GRIA3: variants seen among roughly 807,000 people sequenced by gnomAD.
GRIA3 encodes the protein glutamate ionotropic receptor AMPA type subunit 3, also known as glutamate receptor 3.
GRIA3 carries 3 observed loss-of-function variants against 63.0 expected under a neutral mutation model. That is an observed-to-expected ratio of 0.05 (90% CI 0.02 to 0.12). The LOEUF (loss-of-function observed/expected upper bound fraction) is 0.12. Among genes scored for constraint, GRIA3 ranks in the 10% least tolerant of loss-of-function variants. The pLI is 1.00. For synonymous variants in GRIA3, 274 were observed against 257.9 expected, an observed-to-expected ratio of 1.06 and a Z score of -0.60; for missense variants, 347 against 700.9, an observed-to-expected ratio of 0.50 and a Z score of 5.70.
At chrX:123,275,491 T>C (rs145457956) in intron 3 of GRIA3, among the ~76,000 whole-genome samples, 87 of 112,373 alleles carry the variant, frequency 7.7e-4, no homozygotes, top group Middle Eastern at 4.6e-3. Flanking sequence ...TCCCACCACA[T>C]TTTCCAGTAT....
Position 123,184,651 on chromosome X carries a change from G to T in GRIA3, c.109+7G>T. On this transcript the variant is annotated splice_region_variant and intron_variant, in intron 1 of 15. Transcript: ENST00000620443. ...CCCAACACCATCAGCATAGGTAAGC[G>T]CAAGCGAGCCAGCCGTCGGTCCAGG... is the stretch of plus-strand genomic sequence containing the variant. The T allele has an allele frequency of 8.7e-7, 1 of 1,145,169 alleles. No individual in the cohort carries two copies. The highest frequency in any genetic ancestry group is 1.2e-6 in the Non-Finnish European group (1 of 835,541). The allele number at this position is 1,145,169 out of a possible 1,213,427, so 94.4% of individuals were successfully genotyped here. A position where few individuals can be genotyped will look rare whatever the true frequency, so the allele number is the denominator to read the frequency against.
At chrX:123,451,987 T>C (rs2045734804) in intron 12 of GRIA3, among the ~76,000 whole-genome samples, 1 of 111,692 alleles carries the variant, frequency 9.0e-6, no homozygotes, top group Admixed American at 9.5e-5. Flanking sequence ...AAAATGGAGA[T>C]AATATTGGTT....
intron 5 of GRIA3, among the ~76,000 whole-genome samples, chrX:123,369,388 G>T (rs1024945325): frequency 8.9e-6 from 1 of 112,056 alleles, no homozygotes; most frequent in Non-Finnish European, 1.9e-5. Context: ...GAAGGCACTA[G>T]AACTTTTCTC....
intron 10 of GRIA3, among the ~76,000 whole-genome samples, chrX:123,408,039 G>A (rs1222075343): frequency 1.8e-5 from 2 of 110,910 alleles, no homozygotes; most frequent in Non-Finnish European, 3.8e-5. Context: ...TTGGCTCACT[G>A]CAACCTCTGC....
chrX:123,455,119 G>C (rs1569439379), intron 12 of GRIA3, among the ~76,000 whole-genome samples: 1 of 111,881 alleles, frequency 8.9e-6, no homozygotes, highest in Non-Finnish European at 1.9e-5. Context: ...CTCCAATGAA[G>C]TTATCTAAAA....
In GRIA3 at chrX:123,383,280, C is replaced by T. The variant is rs542681875; in HGVS notation, c.751-11688C>T. 3.6e-5 allele frequency among the ~76,000 whole-genome samples: 4 copies of T among 111,564 alleles called. No individual in the cohort carries two copies. The South Asian group carries it at 1.1e-3, about 32-fold the overall frequency. ...TGAGTATTTATCATTTCTGTGTGTT[C>T]GGAACATTTCAAGACCCCTCTTCTG... On this transcript the variant is annotated intron_variant, in intron 5 of 15. Transcript: ENST00000620443.
chrX:123,406,170 G>C (rs780758387), intron 10 of GRIA3, among the ~76,000 whole-genome samples: 14 of 112,523 alleles, frequency 1.2e-4, no homozygotes, highest in Non-Finnish European at 2.4e-4. Flanking sequence ...AAGCAGAACT[G>C]GACAGAAAAA....
At chrX:123,238,575 C>T (rs1490792259) in intron 2 of GRIA3, among the ~76,000 whole-genome samples, 16 of 111,807 alleles carry the variant, frequency 1.4e-4, no homozygotes, top group Non-Finnish European at 3.8e-5. Flanking sequence ...TGAAACAATA[C>T]GTACCTTTAC....
At chrX:123,281,192 T>C (rs1434345284) in intron 3 of GRIA3, among the ~76,000 whole-genome samples, 1 of 111,763 alleles carries the variant, frequency 8.9e-6, no homozygotes, top group East Asian at 2.8e-4. Flanking sequence ...TAGGTGAAAG[T>C]CATGGCTAAG....
At chrX:123,374,497 G>A (rs1021236544) in intron 5 of GRIA3, among the ~76,000 whole-genome samples, 1 of 111,989 alleles carries the variant, frequency 8.9e-6, no homozygotes, top group African/African-American at 3.2e-5. Flanking sequence ...AGCATGGAAT[G>A]TTCTTCCATT....
At chrX:123,365,036 T>C (rs2045201361) in intron 5 of GRIA3, among the ~76,000 whole-genome samples, 1 of 111,856 alleles carries the variant, frequency 8.9e-6, no homozygotes. Flanking sequence ...GAATAGGTTT[T>C]GAGAGCTATT....
At chrX:123,267,338 C>T (rs1200786570) in intron 3 of GRIA3, among the ~76,000 whole-genome samples, 3 of 111,295 alleles carry the variant, frequency 2.7e-5, no homozygotes, top group Non-Finnish European at 5.7e-5. Context: ...CTTCCTGGTC[C>T]GACCAACTTA....
chrX:123,332,323 C>T (rs1010205059), intron 4 of GRIA3, among the ~76,000 whole-genome samples: 2 of 111,517 alleles, frequency 1.8e-5, no homozygotes, highest in African/African-American at 6.5e-5. Context: ...TTTTTAATAA[C>T]AAATATATAT....
intron 4 of GRIA3, among the ~76,000 whole-genome samples, chrX:123,352,592 A>G (rs576353130): frequency 9.7e-4 from 109 of 111,844 alleles, no homozygotes; most frequent in African/African-American, 3.2e-3. Flanking sequence ...CTACACACAA[A>G]AAAACACTAA....
At chrX:123,238,088 A>G (rs2147273958) in intron 2 of GRIA3, among the ~76,000 whole-genome samples, 1 of 112,142 alleles carries the variant, frequency 8.9e-6, no homozygotes, top group South Asian at 3.7e-4. Context: ...GCTGCTTGTT[A>G]AAGCACATAA....
chrX:123,194,317 T>C (rs759285977), intron 2 of GRIA3, among the ~76,000 whole-genome samples: 5 of 111,488 alleles, frequency 4.5e-5, no homozygotes, highest in Non-Finnish European at 9.4e-5. Flanking sequence ...CCTTGCCAAT[T>C]ACTCATTGCA....
intron 2 of GRIA3, among the ~76,000 whole-genome samples, chrX:123,223,150 A>G (rs773847270): frequency 4.0e-4 from 45 of 112,845 alleles, no homozygotes; most frequent in African/African-American, 1.4e-3. Flanking sequence ...CGTAAGGACA[A>G]TGCACTACTT....
intron 3 of GRIA3, among the ~76,000 whole-genome samples, chrX:123,319,749 T>A (rs1243271195): frequency 9.3e-6 from 1 of 107,911 alleles, no homozygotes; most frequent in East Asian, 2.9e-4. Context: ...CTAGGTAGTA[T>A]ATGGCCCTTC....
chrX:123,377,165 T>C (rs1294364026), intron 5 of GRIA3, among the ~76,000 whole-genome samples: 2 of 110,869 alleles, frequency 1.8e-5, no homozygotes, highest in Non-Finnish European at 3.8e-5. Context: ...CTCGATCTCC[T>C]GACCTTGTGA....
Sources: gnomAD v4.1 joint callset for allele counts (sites outside exome capture counted in the v4.1 genomes callset) on GRCh38, gnomAD v4.1.1 for gene constraint, MANE v1.5 for transcripts, NCBI Gene and HGNC (gene_info 2026-07-23, HGNC 2026-07-21) for gene names.